ARHGEF9: variants seen among roughly 807,000 people sequenced by gnomAD.
ARHGEF9 encodes the protein Cdc42 guanine nucleotide exchange factor 9, also known as rho guanine nucleotide exchange factor 9.
ARHGEF9 carries 2 observed loss-of-function variants against 41.3 expected under a neutral mutation model. That is an observed-to-expected ratio of 0.05 (90% CI 0.02 to 0.15). ARHGEF9 has a LOEUF of 0.15. Ranked by LOEUF, ARHGEF9 falls within the 10% of genes least tolerant of loss-of-function variation. ARHGEF9 has a pLI of 1.00. For missense variants in ARHGEF9, 225 were observed against 424.7 expected (o/e 0.53, Z 4.13); for synonymous variants, 160 against 154.4 (o/e 1.04, Z -0.27).
rs781892420 is a variant in ARHGEF9, at chrX:63,747,222, G to C, written c.31-22511C>G. On this transcript the variant is annotated intron_variant, in intron 1 of 9. Transcript: ENST00000671741. ...TGCTGATGAAGAAAACCAAATTTCA[G>C]AGGAGAGAAGTAATTTGCCTGAGGT... 2.7e-5 allele frequency among the ~76,000 whole-genome samples: 3 copies of C among 112,204 alleles called. No homozygotes were observed. In the Admixed American group the frequency reaches 2.8e-4, roughly 11 times the overall value.
At chrX:63,765,798 C>A (rs782198965) in intron 1 of ARHGEF9, among the ~76,000 whole-genome samples, 25 of 112,008 alleles carry the variant, frequency 2.2e-4, no homozygotes, top group Non-Finnish European at 3.8e-5. Flanking sequence ...CCCATCCTCC[C>A]GGCCAGAATT....
rs782156826 is a variant in ARHGEF9, at chrX:63,637,848, G to C, written c.*180C>G. 5.6e-3 allele frequency: 517 copies of C among 92,690 alleles called. 1 individual carries two copies. Among genetic ancestry groups the C allele is most frequent in the East Asian group, 0.023 (113 of 4,809 alleles). 7.6% of individuals were successfully genotyped at this position (92,690 alleles called of 1,213,427 possible). The stretch of plus-strand genomic sequence containing the variant: ...AAACACTTTTGTTCCTTATCTCTCT[G>C]TGTGTGTGTGTGTGTGTGTGTGTGT... On this transcript the variant is annotated 3_prime_UTR_variant, in exon 10 of 10. Transcript: ENST00000671741.
At position 63,637,744 on chromosome X, in the gene ARHGEF9, T is replaced by G. The variant is rs190998185; in HGVS notation, c.*284A>C. On this transcript the variant is annotated 3_prime_UTR_variant, in exon 10 of 10. Coordinates refer to ENST00000671741, the MANE Select transcript of ARHGEF9 (RefSeq NM_001353921.2). ...GGGACAGGGTAAAAATGGAAAACTT[T>G]TAAGACGGAATCACATGTTTGGAAG... is the stretch of plus-strand genomic sequence containing the variant. 134 of 249,178 alleles carry G rather than the reference T, an allele frequency of 5.4e-4. No individual in the cohort carries two copies. The highest frequency in any genetic ancestry group is 3.6e-3 in the African/African-American group (126 of 35,210). The allele number at this position is 249,178 out of a possible 1,213,427, so 20.5% of individuals were successfully genotyped here.
At position 63,637,183 on chromosome X, in the gene ARHGEF9, G is replaced by A. The variant is rs1556298858; in HGVS notation, c.*845C>T. On this transcript the variant is annotated 3_prime_UTR_variant, in exon 10 of 10. Transcript: ENST00000671741. ...CAACGACCCAGAAGTGCTGCAACAT[G>A]GGAAACCCCAGTGATAGAAGAAACA... 10 of 295,846 alleles carry A rather than the reference G, an allele frequency of 3.4e-5. No homozygotes were observed. In the South Asian group the frequency reaches 2.1e-3, roughly 61 times the overall value. 24.4% of individuals were successfully genotyped at this position (295,846 alleles called of 1,213,427 possible).
chrX:63,719,748 T>C (rs1224659403), intron 2 of ARHGEF9: 1 of 297,341 alleles, frequency 3.4e-6, no homozygotes, highest in Non-Finnish European at 5.9e-6. Flanking sequence ...CAGGAGATAA[T>C]GACCTTGTTC....
At chrX:63,757,391 C>T (rs2055954505) in intron 1 of ARHGEF9, among the ~76,000 whole-genome samples, 1 of 111,419 alleles carries the variant, frequency 9.0e-6, no homozygotes, top group Admixed American at 9.5e-5. Flanking sequence ...GATATCTCCT[C>T]CTTAGTATCT....
chrX:63,754,791 G>T, intron 1 of ARHGEF9: 3 of 947,248 alleles, frequency 3.2e-6, no homozygotes, highest in South Asian at 5.7e-5. Flanking sequence ...CCCTTCTCAG[G>T]ATTGGGCTGA....
intron 1 of ARHGEF9, chrX:63,754,740 C>T: frequency 1.4e-6 from 1 of 690,359 alleles, no homozygotes; most frequent in Non-Finnish European, 1.7e-6. Flanking sequence ...CGAGTTTAGT[C>T]GGGGGAGGGG....
chrX:63,753,381 C>T (rs1364646978), intron 1 of ARHGEF9, among the ~76,000 whole-genome samples: 3 of 111,699 alleles, frequency 2.7e-5, no homozygotes, highest in African/African-American at 9.8e-5. Context: ...AAGTAACAAA[C>T]GGGAGCAAAC....
intron 1 of ARHGEF9, among the ~76,000 whole-genome samples, chrX:63,768,531 C>T (rs782502373): frequency 1.1e-4 from 12 of 112,187 alleles, no homozygotes; most frequent in Non-Finnish European, 2.3e-4. Flanking sequence ...GGAAGATCTA[C>T]TTTTGGTTCT....
chrX:63,748,179 C>T (rs1161024075), intron 1 of ARHGEF9, among the ~76,000 whole-genome samples: 3 of 111,843 alleles, frequency 2.7e-5, no homozygotes, highest in Non-Finnish European at 3.8e-5. Context: ...CAGATACATA[C>T]AAAAATTAAC....
At chrX:63,665,216 C>T (rs2049454879) in intron 7 of ARHGEF9, among the ~76,000 whole-genome samples, 1 of 111,963 alleles carries the variant, frequency 8.9e-6, no homozygotes, top group South Asian at 3.8e-4. Flanking sequence ...CATATGCTAC[C>T]CTTCCCAGCC....
At chrX:63,711,943 G>A (rs1422399478) in intron 2 of ARHGEF9, among the ~76,000 whole-genome samples, 2 of 112,077 alleles carry the variant, frequency 1.8e-5, no homozygotes, top group African/African-American at 3.2e-5. Context: ...GTAACAACTC[G>A]CTTAAAAATG....
At chrX:63,744,451 G>A (rs1480312504) in intron 1 of ARHGEF9, among the ~76,000 whole-genome samples, 1 of 112,383 alleles carries the variant, frequency 8.9e-6, no homozygotes, top group Non-Finnish European at 1.9e-5. Flanking sequence ...ATTAGAATCA[G>A]GACAGCTCCA....
chrX:63,679,930 C>A (rs1451946886), intron 4 of ARHGEF9, among the ~76,000 whole-genome samples: 1 of 111,513 alleles, frequency 9.0e-6, no homozygotes, highest in Non-Finnish European at 1.9e-5. Flanking sequence ...ATTGTATATG[C>A]ATAAAATCCT....
chrX:63,666,168 C>A, intron 6 of ARHGEF9, 151 bp from the exon 7 acceptor site: 1 of 770,452 alleles, frequency 1.3e-6, no homozygotes, highest in South Asian at 2.4e-5. Flanking sequence ...TCCTGGGACT[C>A]CTCAAAAAGC....
chrX:63,655,448 A>C lies in ARHGEF9; in HGVS notation c.1321+46T>G, dbSNP rs781824011. ...AAATGGAAACCAATTCAAACCTCCT[A>C]TGTTCTTCATAGCCATGTTCTTCTT... On this transcript the variant is annotated intron_variant, in intron 8 of 9. Coordinates refer to ENST00000671741, the MANE Select transcript of ARHGEF9 (RefSeq NM_001353921.2). 3.3e-6 allele frequency: 4 copies of C among 1,206,438 alleles called. No homozygotes were observed. The East Asian group carries it at 8.9e-5, about 27-fold the overall frequency.
chrX:63,690,571 A>G (rs1309851599), intron 4 of ARHGEF9, among the ~76,000 whole-genome samples: 1 of 111,891 alleles, frequency 8.9e-6, no homozygotes, highest in Non-Finnish European at 1.9e-5. Context: ...AAAAGAACTG[A>G]TAATAATTCT....
chrX:63,755,113 C>G, intron 1 of ARHGEF9: 1 of 938,942 alleles, frequency 1.1e-6, no homozygotes, highest in Non-Finnish European at 1.3e-6. Flanking sequence ...TATCCCTCTT[C>G]TCTCCCCATC....
Sources: gnomAD v4.1 joint callset for allele counts (sites outside exome capture counted in the v4.1 genomes callset) on GRCh38, gnomAD v4.1.1 for gene constraint, MANE v1.5 for transcripts, NCBI Gene and HGNC (gene_info 2026-07-23, HGNC 2026-07-21) for gene names.